The following SEMA3D variants were observed in gnomAD, a reference collection of about 807,000 sequenced individuals.
The protein encoded by SEMA3D is semaphorin-3D.
SEMA3D carries 84 observed loss-of-function variants against 100.1 expected under a neutral mutation model. The ratio of observed to expected loss-of-function variants is 0.84; its 90% CI spans 0.70 to 1.01. The LOEUF (loss-of-function observed/expected upper bound fraction) is 1.01. Ranked by LOEUF, SEMA3D falls within the 50% of genes least tolerant of loss-of-function variation. The pLI is 0.00. For synonymous variants in SEMA3D, 312 were observed against 320.7 expected, an observed-to-expected ratio of 0.97 and a Z score of 0.29; for missense variants, 875 against 934.1, an observed-to-expected ratio of 0.94 and a Z score of 0.82.
At chr7:85,044,049 C>T (rs1327614047) in intron 9 of SEMA3D, among the ~76,000 whole-genome samples, 1 of 151,710 alleles carries the variant, frequency 6.6e-6, no homozygotes, top group Non-Finnish European at 1.5e-5. Context: ...CCATCTTTTC[C>T]AATAATTTAT....
intron 4 of SEMA3D, among the ~76,000 whole-genome samples, chr7:85,089,956 T>C (rs529000048): frequency 6.6e-6 from 1 of 152,162 alleles, no homozygotes; most frequent in Non-Finnish European, 1.5e-5. Flanking sequence ...GAAATGCTAA[T>C]ATACCATACA....
At chr7:85,146,221 TA>T (rs1240367026) in intron 2 of SEMA3D, among the ~76,000 whole-genome samples, 1 of 152,194 alleles carries the variant, frequency 6.6e-6, no homozygotes, top group Non-Finnish European at 1.5e-5. Flanking sequence ...TACATATATG[TA>T]TTTTTACACA....
intron 1 of SEMA3D, among the ~76,000 whole-genome samples, chr7:85,175,714 T>A (rs1489753428): frequency 6.6e-6 from 1 of 152,212 alleles, no homozygotes; most frequent in East Asian, 1.9e-4. Flanking sequence ...TGCAGGTCAT[T>A]TTTCAGACAG....
chr7:85,144,562 A>G, intron 2 of SEMA3D: 1 of 985,084 alleles, frequency 1.0e-6, no homozygotes, highest in Non-Finnish European at 1.2e-6. Context: ...AATTCTCACA[A>G]CCATCAGGAT....
At position 84,999,665 on chromosome 7, in the gene SEMA3D, C is replaced by T; in HGVS notation, c.2109G>A (p.Lys703=). 6.2e-7 allele frequency: 1 copy of T among 1,614,060 alleles called. No individual in the cohort carries two copies. Among genetic ancestry groups the T allele is most frequent in the South Asian group, 1.1e-5 (1 of 91,080 alleles). The change falls in exon 19 of 19, where the codon AAG becomes AAA. Residue 703 remains lysine, a synonymous_variant. Transcript: ENST00000284136. ...TCAACCGTGACTCAGCCAATAGATC[C>T]TTGACCTTCCCCTCCTCATGCTCTG... ...QRAEHEEGKV[K]DLLAESRLRY... is the part of the protein sequence containing the mutation.
chr7:85,003,751 A>T (rs1562778784), intron 18 of SEMA3D, among the ~76,000 whole-genome samples: 1 of 152,112 alleles, frequency 6.6e-6, no homozygotes, highest in Non-Finnish European at 1.5e-5. Context: ...ACCAAGACAC[A>T]TAAGAAGGTA....
intron 1 of SEMA3D, among the ~76,000 whole-genome samples, chr7:85,162,531 C>T (rs911089454): frequency 4.6e-5 from 7 of 152,158 alleles, no homozygotes; most frequent in African/African-American, 1.7e-4. Flanking sequence ...AATGACATGT[C>T]ATAGTTGATT....
intron 9 of SEMA3D, among the ~76,000 whole-genome samples, chr7:85,051,582 G>A (rs1791166734): frequency 6.6e-6 from 1 of 151,778 alleles, no homozygotes; most frequent in African/African-American, 2.4e-5. Context: ...CCTGAGTAAT[G>A]TCAGGCACTT....
intron 17 of SEMA3D, among the ~76,000 whole-genome samples, chr7:85,011,251 G>A (rs189585672): frequency 2.0e-5 from 3 of 151,890 alleles, no homozygotes; most frequent in African/African-American, 4.8e-5. Context: ...TCAAAAAAGA[G>A]GGAGTTAGAG....
intron 13 of SEMA3D, among the ~76,000 whole-genome samples, chr7:85,021,426 T>A (rs977013549): frequency 2.0e-5 from 3 of 151,818 alleles, no homozygotes; most frequent in African/African-American, 7.2e-5. Context: ...CCATCTCTTT[T>A]GTCTTGGGAA....
chr7:85,072,539 C>T (rs1791803499), intron 6 of SEMA3D, among the ~76,000 whole-genome samples: 1 of 152,040 alleles, frequency 6.6e-6, no homozygotes, highest in Admixed American at 6.6e-5. Flanking sequence ...ACATGGAGCC[C>T]ATAGAAAACA....
intron 9 of SEMA3D, among the ~76,000 whole-genome samples, chr7:85,050,171 T>G (rs914197169): frequency 4.0e-5 from 6 of 150,806 alleles, no homozygotes; most frequent in African/African-American, 1.5e-4. Flanking sequence ...ATTTTGAAAG[T>G]ACTAACTTGC....
the SEMA3D span, among the ~76,000 whole-genome samples, chr7:85,236,736 G>T: frequency 3.9e-5 from 6 of 152,086 alleles, no homozygotes; most frequent in Non-Finnish European, 8.8e-5. Flanking sequence ...CAGAAATAAT[G>T]AAACAAATAT....
rs1003629922 is a variant in SEMA3D at position 85,153,736 on chromosome 7, A to T, written c.-169T>A. On this transcript the variant is annotated 5_prime_UTR_variant, in exon 2 of 19. Transcript: ENST00000284136. ...TGTTACAGTTCTAGTCCAAGTGTAAAGACCTGAAAAACAGGAGAGATAATA... is the reference window on the plus strand; with the variant it reads ...TGTTACAGTTCTAGTCCAAGTGTAATGACCTGAAAAACAGGAGAGATAATA... The T allele has an allele frequency of 6.6e-6, 1 of 152,180 alleles. No individual in the cohort carries two copies. The highest frequency in any genetic ancestry group is 2.1e-4 in the South Asian group (1 of 4,828). 9.4% of individuals were successfully genotyped at this position (152,180 alleles called of 1,614,324 possible). A position where few individuals can be genotyped will look rare whatever the true frequency, so the allele number is the denominator to read the frequency against.
chr7:85,055,010 A>C (rs1434841147), intron 9 of SEMA3D, among the ~76,000 whole-genome samples: 1 of 152,144 alleles, frequency 6.6e-6, no homozygotes, highest in African/African-American at 2.4e-5. Flanking sequence ...ATAAAATGGC[A>C]AGATTAAAAA....
the SEMA3D span, among the ~76,000 whole-genome samples, chr7:85,209,998 T>A: frequency 6.6e-6 from 1 of 151,984 alleles, no homozygotes; most frequent in African/African-American, 2.4e-5. Context: ...CAGAAAACAG[T>A]GGAACTCTAG....
chr7:85,233,389 C>T, the SEMA3D span, among the ~76,000 whole-genome samples: 2 of 152,128 alleles, frequency 1.3e-5, no homozygotes, highest in African/African-American at 4.8e-5. Context: ...TGTGAGTAGC[C>T]TTGAGTAAGT....
chr7:85,230,183 C>A, the SEMA3D span, among the ~76,000 whole-genome samples: 1 of 145,866 alleles, frequency 6.9e-6, no homozygotes, highest in African/African-American at 2.8e-5. Context: ...TTTTTGCTAC[C>A]ATGACATTTC....
intron 3 of SEMA3D, among the ~76,000 whole-genome samples, chr7:85,099,838 T>G (rs1335575232): frequency 6.6e-6 from 1 of 151,968 alleles, no homozygotes; most frequent in Non-Finnish European, 1.5e-5. Context: ...TGGTGAGATG[T>G]CTGTTAAGGC....
Sources: gnomAD v4.1 joint callset for allele counts (sites outside exome capture counted in the v4.1 genomes callset) on GRCh38, gnomAD v4.1.1 for gene constraint, MANE v1.5 for transcripts, NCBI Gene and HGNC (gene_info 2026-07-23, HGNC 2026-07-21) for gene names.